The following ERICH3 variants were observed in gnomAD, a reference collection of about 807,000 sequenced individuals.
The protein encoded by ERICH3 is glutamate rich 3.
ERICH3 carries 126 observed loss-of-function variants against 131.1 expected under a neutral mutation model. The observed-to-expected ratio is 0.96, with a 90% CI of 0.83 to 1.11. The LOEUF (loss-of-function observed/expected upper bound fraction) is 1.11, where lower values mean the gene tolerates loss of function less well. Ranked by LOEUF, ERICH3 falls within the 50% of genes most tolerant of loss-of-function variation. ERICH3 has a pLI of 0.00. For missense variants in ERICH3, 2,050 were observed against 1,810.7 expected (o/e 1.13, Z -2.40); for synonymous variants, 695 against 644.6 (o/e 1.08, Z -1.18).
intron 7 of ERICH3, chr1:74,623,078 A>C (rs1211833884): frequency 6.6e-6 from 1 of 152,206 alleles, no homozygotes; most frequent in African/African-American, 2.4e-5. Flanking sequence ...ACCAGAGACA[A>C]ATGAAACTTT....
intron 5 of ERICH3, among the ~76,000 whole-genome samples, chr1:74,636,691 T>G (rs1477886002): frequency 6.6e-6 from 1 of 152,238 alleles, no homozygotes; most frequent in Non-Finnish European, 1.5e-5. Context: ...ATGTCCTCCA[T>G]TACATTCCTG....
At chr1:74,596,052 C>G (rs1647831542) in intron 11 of ERICH3, among the ~76,000 whole-genome samples, 1 of 151,892 alleles carries the variant, frequency 6.6e-6, no homozygotes, top group African/African-American at 2.4e-5. Flanking sequence ...CATATTGAAG[C>G]CAAAAGATTA....
At chr1:74,638,948 G>A (rs1646414680) in intron 5 of ERICH3, among the ~76,000 whole-genome samples, 2 of 152,168 alleles carry the variant, frequency 1.3e-5, no homozygotes, top group Non-Finnish European at 2.9e-5. Context: ...CTGAGATGGG[G>A]AGGAGACCCT....
intron 11 of ERICH3, among the ~76,000 whole-genome samples, chr1:74,593,894 C>T (rs1647721537): frequency 6.6e-6 from 1 of 152,078 alleles, no homozygotes; most frequent in Non-Finnish European, 1.5e-5. Flanking sequence ...TGCTAAAAGG[C>T]CTTCAGACAG....
chr1:74,586,507 GT>G (rs898342107), intron 12 of ERICH3: 1 of 983,566 alleles, frequency 1.0e-6, no homozygotes, highest in Non-Finnish European at 1.2e-6. Flanking sequence ...GTTCTGTAAT[GT>G]TTAAACATTT....
chr1:74,580,742 T>C (rs939822996), intron 12 of ERICH3, among the ~76,000 whole-genome samples: 2 of 152,226 alleles, frequency 1.3e-5, no homozygotes, highest in Non-Finnish European at 2.9e-5. Context: ...GTAAGAACTC[T>C]TTATGTATTA....
At chr1:74,582,354 G>A (rs1483547192) in intron 12 of ERICH3, among the ~76,000 whole-genome samples, 2 of 151,990 alleles carry the variant, frequency 1.3e-5, no homozygotes, top group Non-Finnish European at 2.9e-5. Flanking sequence ...AAATTCCTTG[G>A]ATTTTGTGAC....
rs762539647 is a variant in ERICH3 at position 74,636,426 on chromosome 1, G to T, written c.457C>A (p.Pro153Thr). The T allele has an allele frequency of 1.9e-6, 3 of 1,607,398 alleles. No homozygotes were observed. Among genetic ancestry groups the T allele is most frequent in the Non-Finnish European group, 2.6e-6 (3 of 1,176,422 alleles). ...SSPLALTAPR[P>T]YTAPGNMQPP... The stretch of plus-strand genomic sequence containing the variant: ...TGCATATTTCCTGGAGCAGTATATG[G>T]TCGAGGGGCTGTCTAGACAATTAGG... The change falls in exon 6 of 15, where the codon CCA becomes ACA. Residue 153 changes from proline (P) to threonine (T), a missense_variant. Coordinates refer to ENST00000326665, the MANE Select transcript of ERICH3 (RefSeq NM_001002912.5).
chr1:74,647,875 G>A (rs1646499073), intron 2 of ERICH3, among the ~76,000 whole-genome samples: 1 of 152,132 alleles, frequency 6.6e-6, no homozygotes, highest in South Asian at 2.1e-4. Context: ...TATACCTATA[G>A]AAAGTGTGCT....
chr1:74,588,297 C>A (rs1034833702), intron 12 of ERICH3, among the ~76,000 whole-genome samples: 5 of 152,128 alleles, frequency 3.3e-5, no homozygotes, highest in Non-Finnish European at 7.4e-5. Flanking sequence ...GCATTTTTTA[C>A]CTTCTCTATT....
intron 3 of ERICH3, among the ~76,000 whole-genome samples, chr1:74,643,816 C>G (rs1176621506): frequency 6.6e-6 from 1 of 152,088 alleles, no homozygotes; most frequent in East Asian, 1.9e-4. Context: ...CTATCTGACA[C>G]TAGCTTCCTG....
intron 5 of ERICH3, among the ~76,000 whole-genome samples, chr1:74,640,891 G>A (rs975500792): frequency 6.6e-6 from 1 of 151,998 alleles, no homozygotes; most frequent in Non-Finnish European, 1.5e-5. Context: ...AAAATCCAGA[G>A]GTCAGAAAAT....
intron 12 of ERICH3, chr1:74,579,633 G>A (rs758310760): frequency 4.5e-5 from 44 of 984,560 alleles, no homozygotes; most frequent in Non-Finnish European, 5.3e-5. Flanking sequence ...TTTCTCAGAT[G>A]TTCTTCTGAA....
At chr1:74,668,907 T>C (rs912166821) in intron 1 of ERICH3, among the ~76,000 whole-genome samples, 2 of 152,184 alleles carry the variant, frequency 1.3e-5, no homozygotes, top group Non-Finnish European at 2.9e-5. Flanking sequence ...ATTTTGGTGG[T>C]GCAAGTGGGT....
At chr1:74,601,180 T>G (rs1648113149) in intron 10 of ERICH3, among the ~76,000 whole-genome samples, 1 of 151,874 alleles carries the variant, frequency 6.6e-6, no homozygotes, top group Admixed American at 6.6e-5. Flanking sequence ...AGAATTTGCT[T>G]TATGTTGCTA....
At chr1:74,653,077 C>G (rs946216265) in intron 1 of ERICH3, among the ~76,000 whole-genome samples, 1 of 152,200 alleles carries the variant, frequency 6.6e-6, no homozygotes, top group Admixed American at 6.5e-5. Flanking sequence ...CAGCACTTAA[C>G]CCTCTAACCC....
intron 1 of ERICH3, among the ~76,000 whole-genome samples, chr1:74,656,529 C>T (rs941716610): frequency 1.2e-4 from 18 of 152,166 alleles, no homozygotes; most frequent in Non-Finnish European, 2.5e-4. Context: ...AATTCTACCC[C>T]TTATAAGATA....
At chr1:74,616,179 A>G (rs1393748340) in intron 8 of ERICH3, among the ~76,000 whole-genome samples, 1 of 151,850 alleles carries the variant, frequency 6.6e-6, no homozygotes, top group Non-Finnish European at 1.5e-5. Flanking sequence ...ATATATATAC[A>G]CATATATATA....
chr1:74,667,692 C>T (rs1166126002), intron 1 of ERICH3, among the ~76,000 whole-genome samples: 1 of 152,058 alleles, frequency 6.6e-6, no homozygotes, highest in Non-Finnish European at 1.5e-5. Flanking sequence ...TATTAATAAT[C>T]AAAATAAGTT....
Sources: allele counts gnomAD v4.1 joint callset (sites outside exome capture counted in the v4.1 genomes callset), GRCh38; gene constraint gnomAD v4.1.1; transcripts MANE v1.5; gene names NCBI Gene and HGNC (gene_info 2026-07-23, HGNC 2026-07-21).